The following TOX variants were observed in gnomAD, a reference collection of about 807,000 sequenced individuals.
TOX encodes the protein thymocyte selection associated high mobility group box.
TOX carries 11 observed loss-of-function variants against 53.7 expected under a neutral mutation model. That is an observed-to-expected ratio of 0.20 (90% CI 0.13 to 0.34). The LOEUF (loss-of-function observed/expected upper bound fraction) is 0.34, where lower values mean the gene tolerates loss of function less well. TOX is among the 10% of genes least tolerant of loss of function. The probability of loss-of-function intolerance (pLI) is 1.00; values close to 1 mark genes in which losing one functional copy is unlikely to be tolerated. For missense variants in TOX, 570 were observed against 664.6 expected, an observed-to-expected ratio of 0.86 and a Z score of 1.56; for synonymous variants, 225 against 245.3, an observed-to-expected ratio of 0.92 and a Z score of 0.77.
chr8:58,982,156 C>T (rs1813217768), intron 1 of TOX, among the ~76,000 whole-genome samples: 1 of 152,084 alleles, frequency 6.6e-6, no homozygotes, highest in South Asian at 2.1e-4. Context: ...GTCTTCTCCT[C>T]TCCTTATACT....
chr8:58,822,809 T>C lies in TOX; in HGVS notation c.1005+4013A>G, dbSNP rs548512865. Among the ~76,000 whole-genome samples, 6 of 152,240 alleles carry C rather than the reference T, an allele frequency of 3.9e-5. No individual in the cohort carries two copies. The East Asian group carries it at 7.7e-4, about 20-fold the overall frequency. ...AAAAACATTTGAGAATCACTGAGGG[T>C]AGAGAAAAGCCTAAAGCTCTGCAAC... On this transcript the variant is annotated intron_variant, in intron 6 of 8. Transcript: ENST00000361421.
chr8:59,075,865 C>T (rs1331146437), intron 1 of TOX, among the ~76,000 whole-genome samples: 6 of 152,070 alleles, frequency 3.9e-5, no homozygotes, highest in East Asian at 1.9e-4. Flanking sequence ...ATTAGCCAGG[C>T]GTGGTGGTGC....
intron 1 of TOX, among the ~76,000 whole-genome samples, chr8:59,061,185 T>C (rs895990339): frequency 2.6e-5 from 4 of 152,208 alleles, no homozygotes; most frequent in Non-Finnish European, 5.9e-5. Context: ...ACCAAATCTG[T>C]GTTTGAGTGT....
intron 1 of TOX, among the ~76,000 whole-genome samples, chr8:58,982,547 A>C (rs898145984): frequency 4.6e-5 from 7 of 152,156 alleles, no homozygotes; most frequent in African/African-American, 1.7e-4. Context: ...TTAGTCACTG[A>C]AGCTTCTAAT....
At chr8:58,918,912 C>G (rs865848365) in intron 3 of TOX, among the ~76,000 whole-genome samples, 1 of 151,892 alleles carries the variant, frequency 6.6e-6, no homozygotes, top group East Asian at 1.9e-4. Context: ...ACACCAACAA[C>G]CGGCAAACAG....
chr8:59,065,335 T>C (rs906942710), intron 1 of TOX, among the ~76,000 whole-genome samples: 2 of 152,122 alleles, frequency 1.3e-5, no homozygotes, highest in African/African-American at 4.8e-5. Flanking sequence ...TGTGACTAAT[T>C]TGGATTACAA....
At chr8:58,875,570 G>A (rs1007191656) in intron 3 of TOX, among the ~76,000 whole-genome samples, 3 of 152,106 alleles carry the variant, frequency 2.0e-5, no homozygotes, top group Non-Finnish European at 4.4e-5. Flanking sequence ...AGCATAATAA[G>A]TTTAAAAGGC....
chr8:58,897,798 C>G (rs541377619), intron 3 of TOX, among the ~76,000 whole-genome samples: 1 of 151,552 alleles, frequency 6.6e-6, no homozygotes, highest in South Asian at 2.1e-4. Context: ...TGTTTGCCCT[C>G]TTACCTTGGA....
intron 5 of TOX, among the ~76,000 whole-genome samples, chr8:58,835,026 T>C (rs989936206): frequency 6.6e-6 from 1 of 152,162 alleles, no homozygotes; most frequent in African/African-American, 2.4e-5. Flanking sequence ...TTTAAAACAT[T>C]TACTTTTGTA....
chr8:58,837,757 C>T lies in TOX; in HGVS notation c.924+324G>A, dbSNP rs534334911. Among the ~76,000 whole-genome samples the T allele has an allele frequency of 2.6e-5, 4 of 152,178 alleles. No homozygotes were observed. The South Asian group carries it at 8.3e-4, about 32-fold the overall frequency. On this transcript the variant is annotated intron_variant, in intron 5 of 8. Transcript: ENST00000361421. ...AGAGGTGTGGACAGTTTTCAAAATA[C>T]TTTTAGGACTTTTTTTTCAGTCTTT...
At chr8:59,071,704 G>A (rs577458879) in intron 1 of TOX, among the ~76,000 whole-genome samples, 15 of 152,220 alleles carry the variant, frequency 9.9e-5, no homozygotes, top group African/African-American at 3.4e-4. Flanking sequence ...ACTTTATCCA[G>A]GTAAGTAGAT....
chr8:58,977,874 CCAT>C (rs1813132906), intron 1 of TOX, among the ~76,000 whole-genome samples: 1 of 152,086 alleles, frequency 6.6e-6, no homozygotes, highest in Non-Finnish European at 1.5e-5. Flanking sequence ...TCACAGATTA[CCAT>C]GACAGATATA....
chr8:59,000,932 C>T (rs1055279937), intron 1 of TOX, among the ~76,000 whole-genome samples: 2 of 151,886 alleles, frequency 1.3e-5, no homozygotes, highest in African/African-American at 4.8e-5. Context: ...TTTAAAGGTG[C>T]TTTCTTATCT....
rs1233003236 is a variant in TOX at position 58,806,971 on chromosome 8, A to C, written c.*776T>G. 1 of 152,654 alleles carries C rather than the reference A, an allele frequency of 6.6e-6. No homozygotes were observed. The highest frequency in any genetic ancestry group is 1.9e-4 in the East Asian group (1 of 5,200). 9.5% of individuals were successfully genotyped at this position (152,654 alleles called of 1,614,324 possible). On this transcript the variant is annotated 3_prime_UTR_variant, in exon 9 of 9. Coordinates refer to ENST00000361421, the MANE Select transcript of TOX (RefSeq NM_014729.3). ...AGGTAAGCATTTGGCAGTTTTATAC[A>C]TAAAAGGACTTAAATGACATTTACT... is the stretch of plus-strand genomic sequence containing the variant.
intron 3 of TOX, among the ~76,000 whole-genome samples, chr8:58,867,604 A>C (rs1231768719): frequency 6.6e-6 from 1 of 152,188 alleles, no homozygotes; most frequent in Non-Finnish European, 1.5e-5. Flanking sequence ...GCAAACTCTA[A>C]CATGTACATG....
intron 1 of TOX, among the ~76,000 whole-genome samples, chr8:59,116,138 C>T (rs186598757): frequency 6.6e-6 from 1 of 152,226 alleles, no homozygotes; most frequent in East Asian, 1.9e-4. Context: ...CAGATAGATA[C>T]TGGTTCCGCT....
At chr8:59,068,507 A>G (rs1355312125) in intron 1 of TOX, among the ~76,000 whole-genome samples, 1 of 152,198 alleles carries the variant, frequency 6.6e-6, no homozygotes, top group Non-Finnish European at 1.5e-5. Context: ...TAAGGCGGAA[A>G]AAAGTAAAAA....
At chr8:59,023,791 C>T (rs1563421522) in intron 1 of TOX, among the ~76,000 whole-genome samples, 5 of 152,134 alleles carry the variant, frequency 3.3e-5, no homozygotes, top group Admixed American at 1.3e-4. Flanking sequence ...GGGTTCCTGT[C>T]CTTCTAAAAA....
chr8:58,923,090 AT>A (rs71557742), intron 3 of TOX, among the ~76,000 whole-genome samples: 31 of 151,536 alleles, frequency 2.0e-4, no homozygotes, highest in African/African-American at 2.9e-4. Flanking sequence ...GAAGAAACGG[AT>A]TTTTTTTTCT....
Sources: gnomAD v4.1 joint callset for allele counts (sites outside exome capture counted in the v4.1 genomes callset) on GRCh38, gnomAD v4.1.1 for gene constraint, MANE v1.5 for transcripts, NCBI Gene and HGNC (gene_info 2026-07-23, HGNC 2026-07-21) for gene names.